The following TLL1 variants were observed in gnomAD, a reference collection of about 807,000 sequenced individuals.
TLL1 encodes tolloid-like protein 1.
A neutral mutation model predicts 128.2 loss-of-function variants in TLL1; 49 were observed. The ratio of observed to expected loss-of-function variants is 0.38; its 90% CI spans 0.30 to 0.48. The LOEUF is 0.48. Among genes scored for constraint, TLL1 ranks in the 20% least tolerant of loss-of-function variants. The pLI is 0.96. For synonymous variants in TLL1, 454 were observed against 418.8 expected (o/e 1.08, Z -1.03); for missense variants, 1,123 against 1,242.0 (o/e 0.90, Z 1.44).
At chr4:166,075,092 CAATGAGTGATATCATGGTGGGCTATCCA>C in intron 17 of TLL1, 89 bp downstream of exon 17, 1 of 1,557,468 alleles carries the variant, frequency 6.4e-7, no homozygotes, top group South Asian at 1.1e-5. Flanking sequence ...TTAATCATTT[CAATGAGTGATATCATGGTGGGCTATCCA>C]AATGTCAAAA....
intron 18 of TLL1, among the ~76,000 whole-genome samples, chr4:166,087,535 C>T (rs1331798988): frequency 2.0e-5 from 3 of 152,134 alleles, no homozygotes; most frequent in Non-Finnish European, 4.4e-5. Context: ...GACTGGGGAC[C>T]TCTAAAGCTT....
intron 19 of TLL1, among the ~76,000 whole-genome samples, chr4:166,094,468 C>T (rs1279059991): frequency 6.6e-6 from 1 of 151,884 alleles, no homozygotes; most frequent in Non-Finnish European, 1.5e-5. Context: ...ATTTTATTTC[C>T]CTGTTTCATT....
intron 16 of TLL1, among the ~76,000 whole-genome samples, chr4:166,073,720 T>A (rs76664304): frequency 6.6e-6 from 1 of 152,122 alleles, no homozygotes; most frequent in Non-Finnish European, 1.5e-5. Context: ...AAAATAGATG[T>A]ACCTTTAAAA....
intron 1 of TLL1, among the ~76,000 whole-genome samples, chr4:165,977,469 T>G (rs982514766): frequency 1.3e-5 from 2 of 152,174 alleles, no homozygotes; most frequent in Non-Finnish European, 2.9e-5. Flanking sequence ...CTTTCCTTTA[T>G]AAATTACCCA....
Position 166,004,925 on chromosome 4 carries a change from T to C in TLL1, c.811+1356T>C, listed in dbSNP as rs78180663. On this transcript the variant is annotated intron_variant, in intron 6 of 20. Coordinates refer to ENST00000061240, the MANE Select transcript of TLL1 (RefSeq NM_012464.5). ...GAACTCATTTTCCCAGTCAGACTTA[T>C]AGCGATCGTTAACTGGGTGGTGGCG... Among the ~76,000 whole-genome samples the C allele has an allele frequency of 5.1e-3, 771 of 151,116 alleles. 10 individuals carry two copies. Among genetic ancestry groups the C allele is most frequent in the African/African-American group, 0.017 (707 of 41,044 alleles).
intron 1 of TLL1, among the ~76,000 whole-genome samples, chr4:165,886,080 C>G (rs929251599): frequency 6.6e-6 from 1 of 151,828 alleles, no homozygotes; most frequent in Non-Finnish European, 1.5e-5. Flanking sequence ...TTCAAATCAT[C>G]GCCAAAGCAA....
chr4:166,029,867 C>T (rs954589908), intron 9 of TLL1, among the ~76,000 whole-genome samples: 4 of 152,038 alleles, frequency 2.6e-5, no homozygotes, highest in African/African-American at 9.7e-5. Flanking sequence ...TATGAATACA[C>T]ATTTTCTTTA....
intron 1 of TLL1, among the ~76,000 whole-genome samples, chr4:165,956,439 A>G (rs1734798421): frequency 6.6e-6 from 1 of 151,974 alleles, no homozygotes; most frequent in South Asian, 2.1e-4. Flanking sequence ...TTCCTTTCCC[A>G]AGGTATTAAT....
chr4:166,010,821 A>C (rs1737658805), intron 7 of TLL1, among the ~76,000 whole-genome samples: 1 of 150,680 alleles, frequency 6.6e-6, no homozygotes, highest in East Asian at 1.9e-4. Context: ...AATTTTTTAA[A>C]GTGTTTTTTT....
At chr4:166,029,950 T>C (rs112859984) in intron 9 of TLL1, among the ~76,000 whole-genome samples, 2,615 of 152,238 alleles carry the variant, frequency 0.017, 83 homozygotes, top group African/African-American at 0.059. Flanking sequence ...GATATGAACC[T>C]GGGATTGCAA....
chr4:166,049,673 T>C (rs1343298708), intron 12 of TLL1, among the ~76,000 whole-genome samples: 1 of 150,778 alleles, frequency 6.6e-6, no homozygotes, highest in East Asian at 1.9e-4. Context: ...ATTTTAAATA[T>C]TACTACTAAT....
intron 15 of TLL1, among the ~76,000 whole-genome samples, chr4:166,064,283 A>G (rs79755552): frequency 0.083 from 12,696 of 152,100 alleles, 1,182 homozygotes; most frequent in African/African-American, 0.23. Context: ...TTAGTGTTGA[A>G]TGACATCTAC....
chr4:166,051,182 G>A (rs1739704656), intron 12 of TLL1, among the ~76,000 whole-genome samples: 1 of 152,060 alleles, frequency 6.6e-6, no homozygotes, highest in Admixed American at 6.5e-5. Context: ...TCAGCTCCCA[G>A]TTATCTGAAC....
chr4:165,888,249 T>C (rs967591788), intron 1 of TLL1, among the ~76,000 whole-genome samples: 1 of 152,208 alleles, frequency 6.6e-6, no homozygotes, highest in East Asian at 1.9e-4. Context: ...AATTATTCTA[T>C]TTGGTATTTT....
chr4:165,921,454 G>A (rs555384910), intron 1 of TLL1, among the ~76,000 whole-genome samples: 14 of 152,176 alleles, frequency 9.2e-5, no homozygotes, highest in African/African-American at 2.6e-4. Context: ...TTAGTTCCCC[G>A]TCTCCCTTTC....
At chr4:165,966,277 A>G (rs1735370330) in intron 1 of TLL1, among the ~76,000 whole-genome samples, 2 of 151,980 alleles carry the variant, frequency 1.3e-5, no homozygotes, top group Admixed American at 1.3e-4. Flanking sequence ...TCACTAGACG[A>G]TTGGAAAGCT....
At position 166,083,374 on chromosome 4, in the gene TLL1, T is replaced by G; in HGVS notation, c.2442+5344T>G. On this transcript the variant is annotated intron_variant, in intron 18 of 20. Transcript: ENST00000061240. ...CTAATTAATATATGTATTATTCATGTTTTGATCATATTTGTGGGGAAAAAA... is the reference window on the plus strand; with the variant it reads ...CTAATTAATATATGTATTATTCATGGTTTGATCATATTTGTGGGGAAAAAA... Among the ~76,000 whole-genome samples, 2 of 123,906 alleles carry G rather than the reference T, an allele frequency of 1.6e-5. 1 individual carries two copies. Among genetic ancestry groups the G allele is most frequent in the African/African-American group, 5.0e-5 (2 of 39,962 alleles). The allele number at this position is 123,906 out of a possible 152,430, so 81.3% of individuals were successfully genotyped here. A position where few individuals can be genotyped will look rare whatever the true frequency, so the allele number is the denominator to read the frequency against.
At position 166,074,246 on chromosome 4, in the gene TLL1, T is replaced by C. The variant is rs1740917471; in HGVS notation, c.2189-632T>C. 5.9e-5 allele frequency among the ~76,000 whole-genome samples: 9 copies of C among 151,878 alleles called. No homozygotes were observed. The South Asian group carries it at 1.7e-3, about 28-fold the overall frequency. ...TACCAGAGTAGATTTGTTTAAAATA[T>C]ATAAATTTCATTTCTTCTTTAGAGT... On this transcript the variant is annotated intron_variant, in intron 16 of 20. Coordinates refer to ENST00000061240, the MANE Select transcript of TLL1 (RefSeq NM_012464.5).
At chr4:166,035,435 CA>C (rs1303007941) in intron 9 of TLL1, among the ~76,000 whole-genome samples, 1 of 151,988 alleles carries the variant, frequency 6.6e-6, no homozygotes. Flanking sequence ...TATTTTTCTC[CA>C]CATCATTCAA....
Sources: gnomAD v4.1 joint callset for allele counts (sites outside exome capture counted in the v4.1 genomes callset) on GRCh38, gnomAD v4.1.1 for gene constraint, MANE v1.5 for transcripts, NCBI Gene and HGNC (gene_info 2026-07-23, HGNC 2026-07-21) for gene names.